Variants in LNX1 observed in about 807,000 individuals in gnomAD.
LNX1 encodes the protein E3 ubiquitin-protein ligase LNX.
A neutral mutation model predicts 68.4 loss-of-function variants in LNX1; 54 were observed. That is an observed-to-expected ratio of 0.79 (90% CI 0.63 to 0.99). The LOEUF (loss-of-function observed/expected upper bound fraction) is 0.99, where lower values mean the gene tolerates loss of function less well. LNX1 is among the 50% of genes least tolerant of loss of function. The pLI is 0.00. For missense variants in LNX1, 906 were observed against 926.4 expected (o/e 0.98, Z 0.29); for synonymous variants, 336 against 350.0 (o/e 0.96, Z 0.45).
intron 6 of LNX1, among the ~76,000 whole-genome samples, chr4:53,495,098 A>G (rs1286954921): frequency 6.6e-6 from 1 of 152,192 alleles, no homozygotes; most frequent in Non-Finnish European, 1.5e-5. Flanking sequence ...TGTCAATAGC[A>G]TGCTTGTGAT....
chr4:53,510,276 T>G (rs984301816), intron 2 of LNX1, among the ~76,000 whole-genome samples: 1 of 152,212 alleles, frequency 6.6e-6, no homozygotes, highest in Admixed American at 6.5e-5. Flanking sequence ...CTTTGGTGTT[T>G]GGGGATTATT....
rs569009317 is a variant in LNX1 at position 53,606,108 on chromosome 4, C to T, written c.-215+10409G>A. Among the ~76,000 whole-genome samples the T allele has an allele frequency of 2.7e-4, 41 of 151,912 alleles. No individual in the cohort carries two copies. In the South Asian group the frequency reaches 7.7e-3, roughly 29 times the overall value. On this transcript the variant is annotated intron_variant, in intron 2 of 3. Transcript: ENST00000504299. ...GAAATAATCAAAATCAGAGCTGAAC[C>T]GAAGGAAACTGGGAAAAACCATACA... is the stretch of plus-strand genomic sequence containing the variant.
intron 1 of LNX1, among the ~76,000 whole-genome samples, chr4:53,587,761 A>C (rs1262811449): frequency 1.3e-5 from 2 of 152,234 alleles, no homozygotes; most frequent in East Asian, 3.8e-4. Context: ...TCTTGGAGAC[A>C]AGGAGACAGT....
chr4:53,584,289 C>T (rs1364263342), intron 1 of LNX1, among the ~76,000 whole-genome samples: 1 of 152,094 alleles, frequency 6.6e-6, no homozygotes, highest in Non-Finnish European at 1.5e-5. Flanking sequence ...CTAATCCATG[C>T]CTGGGATTGG....
At chr4:53,529,102 A>AACAT (rs1727837613) in intron 2 of LNX1, among the ~76,000 whole-genome samples, 1 of 138,322 alleles carries the variant, frequency 7.2e-6, no homozygotes, top group Non-Finnish European at 1.6e-5. Flanking sequence ...AGTCCTGACC[A>AACAT]ACACACACAC....
chr4:53,604,634 T>C (rs1341027235), intron 2 of LNX1, among the ~76,000 whole-genome samples: 1 of 152,260 alleles, frequency 6.6e-6, no homozygotes. Context: ...TGGAATATTC[T>C]TAGGCTCAAT....
chr4:53,549,091 A>G (rs1158908367), intron 2 of LNX1, among the ~76,000 whole-genome samples: 4 of 152,198 alleles, frequency 2.6e-5, no homozygotes, highest in Non-Finnish European at 4.4e-5. Context: ...CTATGTGATG[A>G]AATAATATGT....
intron 1 of LNX1, among the ~76,000 whole-genome samples, chr4:53,590,395 C>T (rs1029449075): frequency 5.3e-5 from 8 of 152,170 alleles, no homozygotes; most frequent in African/African-American, 1.7e-4. Flanking sequence ...TGAAGTGTCT[C>T]GCAGATTTAT....
intron 1 of LNX1, among the ~76,000 whole-genome samples, chr4:53,643,806 T>C (rs558783266): frequency 6.6e-6 from 1 of 152,274 alleles, no homozygotes; most frequent in Admixed American, 6.5e-5. Flanking sequence ...TTCAGAATTA[T>C]GAAAATTAAA....
At chr4:53,652,057 G>GAGAGAC (rs1425364681) in intron 1 of LNX1, 26 of 146,940 alleles carry the variant, frequency 1.8e-4, no homozygotes, top group African/African-American at 5.3e-4. Context: ...GAGAGAGAGA[G>GAGAGAC]AGAGACAGAG....
At chr4:53,524,493 C>T (rs1727470962) in intron 2 of LNX1, 1 of 152,214 alleles carries the variant, frequency 6.6e-6, no homozygotes, top group Admixed American at 6.5e-5. Flanking sequence ...AAGTCACACA[C>T]CCAAGTTCAC....
Position 53,579,766 on chromosome 4 carries a change from C to T in LNX1, c.-86-5678G>A, listed in dbSNP as rs187249824. Among the ~76,000 whole-genome samples the T allele has an allele frequency of 2.3e-3, 347 of 152,248 alleles. 3 individuals are homozygous for T. Among genetic ancestry groups the T allele is most frequent in the African/African-American group, 7.8e-3 (324 of 41,530 alleles). On this transcript the variant is annotated intron_variant, in intron 1 of 10. Transcript: ENST00000263925. ...TCCTGCTAATTCTCCTTTCAATGCACCCTGGCTTTATAGAAAATGGTTATC... is the reference window on the plus strand; with the variant it reads ...TCCTGCTAATTCTCCTTTCAATGCATCCTGGCTTTATAGAAAATGGTTATC...
At chr4:53,606,998 A>C (rs1331965624) in intron 2 of LNX1, among the ~76,000 whole-genome samples, 4 of 152,184 alleles carry the variant, frequency 2.6e-5, no homozygotes, top group African/African-American at 9.6e-5. Context: ...CACAGTCAAC[A>C]TCATACTGAA....
At chr4:53,560,031 G>A (rs1210753926) in intron 2 of LNX1, among the ~76,000 whole-genome samples, 1 of 152,112 alleles carries the variant, frequency 6.6e-6, no homozygotes, top group African/African-American at 2.4e-5. Flanking sequence ...TCTCCAAGAG[G>A]TTTTGTTATT....
At chr4:53,556,613 G>A (rs545243117) in intron 2 of LNX1, among the ~76,000 whole-genome samples, 2 of 152,310 alleles carry the variant, frequency 1.3e-5, no homozygotes, top group East Asian at 3.9e-4. Flanking sequence ...GCTTCTGCAA[G>A]GTCATTATTT....
At chr4:53,540,405 G>T (rs1386252621) in intron 2 of LNX1, among the ~76,000 whole-genome samples, 2 of 150,774 alleles carry the variant, frequency 1.3e-5, no homozygotes, top group Non-Finnish European at 3.0e-5. Context: ...AGATAGTGAG[G>T]CTTTACTTGA....
intron 1 of LNX1, among the ~76,000 whole-genome samples, chr4:53,636,517 C>T (rs773201936): frequency 3.9e-5 from 6 of 152,092 alleles, no homozygotes; most frequent in Non-Finnish European, 8.8e-5. Context: ...AATCATTTCA[C>T]CTTCAAGTAT....
At chr4:53,501,281 CTTTTT>C (rs11401056) in intron 4 of LNX1, among the ~76,000 whole-genome samples, 4 of 63,714 alleles carry the variant, frequency 6.3e-5, no homozygotes, top group Admixed American at 2.4e-4. Flanking sequence ...TGATAATAAT[CTTTTT>C]TTTTTTTTTT....
At chr4:53,567,680 C>T (rs1730797641) in intron 2 of LNX1, among the ~76,000 whole-genome samples, 2 of 152,210 alleles carry the variant, frequency 1.3e-5, no homozygotes. Context: ...ACACAAAAAA[C>T]CCTTCAAAAA....
Sources: allele counts gnomAD v4.1 joint callset (sites outside exome capture counted in the v4.1 genomes callset), GRCh38; gene constraint gnomAD v4.1.1; transcripts MANE v1.5; gene names NCBI Gene and HGNC (gene_info 2026-07-23, HGNC 2026-07-21).